Variants in BRINP1 observed in about 807,000 individuals in gnomAD.
BRINP1 encodes the protein BMP/retinoic acid inducible neural specific 1.
A neutral mutation model predicts 72.9 loss-of-function variants in BRINP1; 17 were observed. That is an observed-to-expected ratio of 0.23 (90% confidence interval 0.16 to 0.35). BRINP1 has a LOEUF of 0.35. BRINP1 is among the 10% of genes least tolerant of loss of function. The pLI is 1.00. For synonymous variants in BRINP1, 418 were observed against 378.5 expected (o/e 1.10, Z -1.21); for missense variants, 850 against 1,001.6 (o/e 0.85, Z 2.04).
chr9:119,368,325 A>G lies in BRINP1; in HGVS notation c.-51+731T>C, dbSNP rs1243195943. 6.6e-6 allele frequency among the ~76,000 whole-genome samples: 1 copy of G among 152,194 alleles called. No individual in the cohort carries two copies. The highest frequency in any genetic ancestry group is 1.5e-5 in the Non-Finnish European group (1 of 68,038). On this transcript the variant is annotated intron_variant, in intron 1 of 7. Coordinates refer to ENST00000265922, the MANE Select transcript of BRINP1 (RefSeq NM_014618.3). This position sits in a 1 kb window ranked among gnomAD's most constrained non-coding sequence, Gnocchi z 4.7. ...CAGAATCTTGGAGTCTGCCCAGTGT[A>G]GAATTTAAAGTGACAGCGTCTCATT...
chr9:119,231,700 T>C (rs1244029768), intron 5 of BRINP1, among the ~76,000 whole-genome samples: 1 of 152,118 alleles, frequency 6.6e-6, no homozygotes, highest in Non-Finnish European at 1.5e-5. Context: ...CAGTTACTGC[T>C]GTCTCTGTTT....
chr9:119,223,717 C>T (rs1830063671), intron 5 of BRINP1, among the ~76,000 whole-genome samples: 2 of 152,154 alleles, frequency 1.3e-5, no homozygotes, highest in Non-Finnish European at 2.9e-5. Flanking sequence ...GTTTAGCATG[C>T]CCCATCTCTA....
At chr9:119,207,151 T>C (rs1232197227) in intron 7 of BRINP1, among the ~76,000 whole-genome samples, 1 of 152,116 alleles carries the variant, frequency 6.6e-6, no homozygotes, top group Non-Finnish European at 1.5e-5. Context: ...CTGTATTGGC[T>C]AGTACAATCA....
chr9:119,330,799 G>A (rs1161832487), intron 1 of BRINP1, among the ~76,000 whole-genome samples: 4 of 149,036 alleles, frequency 2.7e-5, no homozygotes, highest in African/African-American at 7.8e-5. Context: ...AGGCTGAGGC[G>A]GGGGGATCAC....
At chr9:119,330,119 T>G (rs1207839229) in intron 1 of BRINP1, among the ~76,000 whole-genome samples, 1 of 152,196 alleles carries the variant, frequency 6.6e-6, no homozygotes, top group Non-Finnish European at 1.5e-5. Context: ...GTGCCAATTT[T>G]TTTTAACCTT....
intron 1 of BRINP1, among the ~76,000 whole-genome samples, chr9:119,330,068 T>C (rs1333565063): frequency 6.6e-6 from 1 of 152,180 alleles, no homozygotes; most frequent in Non-Finnish European, 1.5e-5. Flanking sequence ...CAGAAGCACA[T>C]CCATGGTCCA....
intron 2 of BRINP1, among the ~76,000 whole-genome samples, chr9:119,262,805 A>T (rs1321960840): frequency 6.6e-6 from 1 of 152,130 alleles, no homozygotes; most frequent in African/African-American, 2.4e-5. Flanking sequence ...TCATCTGTAA[A>T]ATGAACAGTT....
intron 1 of BRINP1, among the ~76,000 whole-genome samples, chr9:119,355,685 C>T (rs1240750994): frequency 6.7e-6 from 1 of 149,072 alleles, no homozygotes; most frequent in East Asian, 2.0e-4. Flanking sequence ...GCTGAGATCG[C>T]ACCACTGCAC....
chr9:119,232,969 C>T (rs1364019599), intron 5 of BRINP1, among the ~76,000 whole-genome samples: 1 of 151,824 alleles, frequency 6.6e-6, no homozygotes, highest in Non-Finnish European at 1.5e-5. Flanking sequence ...AGCCTCTGAT[C>T]ATTCTCATGA....
intron 2 of BRINP1, among the ~76,000 whole-genome samples, chr9:119,258,308 C>G (rs942526133): frequency 1.3e-5 from 2 of 152,098 alleles, no homozygotes; most frequent in African/African-American, 4.8e-5. Context: ...AGAAACACAA[C>G]AAGCACACTT....
At chr9:119,210,102 TTAAAGG>T (rs1177426349) in intron 6 of BRINP1, among the ~76,000 whole-genome samples, 2 of 152,214 alleles carry the variant, frequency 1.3e-5, no homozygotes, top group African/African-American at 4.8e-5. Flanking sequence ...AGATGATTTC[TTAAAGG>T]TAACGTGGCT....
At chr9:119,267,472 T>TA (rs1035658315) in intron 2 of BRINP1, among the ~76,000 whole-genome samples, 230 of 151,248 alleles carry the variant, frequency 1.5e-3, no homozygotes, top group Middle Eastern at 6.8e-3. Flanking sequence ...CCATCTCTAC[T>TA]AAAAAAAACA....
chr9:119,185,190 A>G lies in BRINP1; in HGVS notation c.1146-16966T>C, dbSNP rs114889429. ...TAGCATCCCCTCCCTTCCCTCATTC[A>G]GTACCCACACTATCTATACCCCTCT... On this transcript the variant is annotated intron_variant, in intron 7 of 7. Coordinates refer to ENST00000265922, the MANE Select transcript of BRINP1 (RefSeq NM_014618.3). 5.6e-3 allele frequency among the ~76,000 whole-genome samples: 859 copies of G among 152,240 alleles called. 9 individuals are homozygous for G. The highest frequency in any genetic ancestry group is 0.019 in the African/African-American group (801 of 41,534).
At chr9:119,207,170 T>G (rs902190222) in intron 7 of BRINP1, among the ~76,000 whole-genome samples, 18 of 152,092 alleles carry the variant, frequency 1.2e-4, no homozygotes, top group African/African-American at 4.3e-4. Context: ...CAGGAAAGAC[T>G]TCATGGAGGG....
At chr9:119,191,777 A>AT (rs1829686205) in intron 7 of BRINP1, among the ~76,000 whole-genome samples, 1 of 151,802 alleles carries the variant, frequency 6.6e-6, no homozygotes, top group African/African-American at 2.4e-5. Context: ...GAAAACCAAA[A>AT]CTCACATAGC....
At chr9:119,189,683 T>C (rs1829663292) in intron 7 of BRINP1, among the ~76,000 whole-genome samples, 1 of 152,026 alleles carries the variant, frequency 6.6e-6, no homozygotes, top group African/African-American at 2.4e-5. Flanking sequence ...TAAATATTAA[T>C]GAACCTGAAG....
chr9:119,246,816 A>T lies in BRINP1; in HGVS notation c.409+2144T>A, dbSNP rs1054096051. On this transcript the variant is annotated intron_variant, in intron 3 of 7. Transcript: ENST00000265922. ...AAGAGCTTTGCATCATTTATGGCAC[A>T]TAGTGTTCAATCAACAATAAATCTC... Among the ~76,000 whole-genome samples the T allele has an allele frequency of 9.2e-5, 14 of 152,198 alleles. 1 individual carries two copies.
In BRINP1 at chr9:119,215,791, C is replaced by T. The variant is rs540482481; in HGVS notation, c.686-1636G>A. On this transcript the variant is annotated intron_variant, in intron 5 of 7. Transcript: ENST00000265922. ...GCATGCCTTATGGCAGGACACCACA[C>T]GCTGTAGTAAAAAACCTGGGCATGG... Among the ~76,000 whole-genome samples the T allele has an allele frequency of 9.2e-5, 14 of 152,268 alleles. No homozygotes were observed. In the South Asian group the frequency reaches 2.7e-3, roughly 29 times the overall value.
chr9:119,167,563 A>G lies in BRINP1; in HGVS notation c.1807T>C (p.Leu603=), dbSNP rs1401147431. 1.2e-6 allele frequency: 2 copies of G among 1,614,038 alleles called. No individual in the cohort carries two copies. Among genetic ancestry groups the G allele is most frequent in the Non-Finnish European group, 1.7e-6 (2 of 1,180,036 alleles). ...QNSQCYNWTL[L]LGNRWKTFFE... is the part of the protein sequence containing the mutation. Reference sequence around the variant, plus strand: ...AATGTTTTCCACCGATTGCCCAGCAAAAGAGTCCAGTTGTAGCACTGGCTG... The same window carrying G: ...AATGTTTTCCACCGATTGCCCAGCAGAAGAGTCCAGTTGTAGCACTGGCTG... The change falls in exon 8 of 8, where the codon TTG becomes CTG. Residue 603 remains leucine (L), a synonymous_variant. Coordinates refer to ENST00000265922, the MANE Select transcript of BRINP1 (RefSeq NM_014618.3). The surrounding 1 kb of genome is among the most constrained non-coding windows in gnomAD (Gnocchi z 4.3).
Sources: gnomAD v4.1 joint callset for allele counts (sites outside exome capture counted in the v4.1 genomes callset) on GRCh38, gnomAD v4.1.1 for gene constraint, Gnocchi (gnomAD v3.1) non-coding constraint, MANE v1.5 for transcripts, NCBI Gene and HGNC (gene_info 2026-07-23, HGNC 2026-07-21) for gene names.